Variants in COL24A1 observed in about 807,000 individuals in gnomAD.
COL24A1 encodes collagen alpha-1(XXIV) chain.
COL24A1 carries 224 observed loss-of-function variants against 253.9 expected under a neutral mutation model. The ratio of observed to expected loss-of-function variants is 0.88; its 90% CI spans 0.79 to 0.99. COL24A1 has a LOEUF of 0.99. Among genes scored for constraint, COL24A1 ranks in the 50% least tolerant of loss-of-function variants. COL24A1 has a pLI of 0.00. For missense variants in COL24A1, 2,131 were observed against 2,068.5 expected (o/e 1.03, Z -0.59); for synonymous variants, 685 against 673.7 (o/e 1.02, Z -0.26).
At chr1:86,108,807 CA>C (rs369466863) in intron 5 of COL24A1, among the ~76,000 whole-genome samples, 164 of 142,818 alleles carry the variant, frequency 1.1e-3, no homozygotes, top group African/African-American at 3.1e-3. Context: ...AATTCCGTCT[CA>C]AAAAAAAAAA....
chr1:85,800,096 T>C (rs1671271513), intron 47 of COL24A1, among the ~76,000 whole-genome samples: 6 of 152,216 alleles, frequency 3.9e-5, no homozygotes, highest in Admixed American at 3.9e-4. Context: ...GAAGAGGAGC[T>C]AGAATATGCA....
Position 86,118,609 on chromosome 1 carries a change from T to A in COL24A1, c.1492-3231A>T, listed in dbSNP as rs1441077959. ...GCCCTCCTGGAGTTTGCAGTCTAGA[T>A]AAAAAGACATACATTAACAGATAAA... On this transcript the variant is annotated intron_variant, in intron 3 of 59. Transcript: ENST00000370571. 5.3e-5 allele frequency among the ~76,000 whole-genome samples: 8 copies of A among 152,110 alleles called. No homozygotes were observed. In the East Asian group the frequency reaches 5.8e-4, roughly 11 times the overall value.
chr1:85,976,457 TC>T (rs1343633190), intron 20 of COL24A1, among the ~76,000 whole-genome samples: 4 of 151,738 alleles, frequency 2.6e-5, no homozygotes, highest in Non-Finnish European at 4.4e-5. Flanking sequence ...CCACACCCCC[TC>T]CCCCACAGGA....
At chr1:85,879,183 T>C (rs926614277) in intron 32 of COL24A1, among the ~76,000 whole-genome samples, 7 of 152,108 alleles carry the variant, frequency 4.6e-5, no homozygotes, top group African/African-American at 7.2e-5. Flanking sequence ...ATTTTCTCTA[T>C]GTTTATATTT....
chr1:85,919,112 T>C (rs1254461731), intron 24 of COL24A1, among the ~76,000 whole-genome samples: 1 of 152,208 alleles, frequency 6.6e-6, no homozygotes, highest in Non-Finnish European at 1.5e-5. Context: ...CACTGCTCCT[T>C]AAGCCTGAGT....
intron 1 of COL24A1, among the ~76,000 whole-genome samples, chr1:86,153,055 A>G (rs1652990175): frequency 6.6e-6 from 1 of 152,026 alleles, no homozygotes; most frequent in Non-Finnish European, 1.5e-5. Flanking sequence ...AACCAACTTC[A>G]TTTCTTTCAG....
intron 10 of COL24A1, among the ~76,000 whole-genome samples, chr1:86,054,110 C>T (rs1700506992): frequency 6.6e-6 from 1 of 152,060 alleles, no homozygotes; most frequent in African/African-American, 2.4e-5. Flanking sequence ...TGAAATTGGA[C>T]TCCTACCTCT....
At chr1:85,901,663 A>G (rs1161663208) in intron 28 of COL24A1, among the ~76,000 whole-genome samples, 1 of 151,620 alleles carries the variant, frequency 6.6e-6, no homozygotes, top group Non-Finnish European at 1.5e-5. Flanking sequence ...ATATAAAATT[A>G]GCTGGGCATG....
intron 31 of COL24A1, among the ~76,000 whole-genome samples, chr1:85,893,258 G>A (rs2102772135): frequency 6.6e-6 from 1 of 151,532 alleles, no homozygotes; most frequent in Admixed American, 6.6e-5. Flanking sequence ...ATTACCAGGA[G>A]TAAAAAGTAT....
At position 85,730,705 on chromosome 1, in the gene COL24A1, A is replaced by G; in HGVS notation, c.4999-13T>C. 6.2e-7 allele frequency: 1 copy of G among 1,613,412 alleles called. No individual in the cohort carries two copies. Among genetic ancestry groups the G allele is most frequent in the Non-Finnish European group, 8.5e-7 (1 of 1,179,656 alleles). On this transcript the variant is annotated splice_polypyrimidine_tract_variant and intron_variant, in intron 59 of 59. Transcript: ENST00000370571. ...TGCCATCTTGAATCTGTAAAATAAG[A>G]ACAAAATGCTTTCATACGCATTTCA...
intron 19 of COL24A1, among the ~76,000 whole-genome samples, chr1:85,990,942 G>A (rs1452189107): frequency 6.6e-6 from 1 of 151,966 alleles, no homozygotes; most frequent in African/African-American, 2.4e-5. Flanking sequence ...GTAGATGAAG[G>A]GATGTATTCC....
intron 12 of COL24A1, among the ~76,000 whole-genome samples, chr1:86,043,343 C>T (rs1699647902): frequency 6.6e-6 from 1 of 151,328 alleles, no homozygotes. Flanking sequence ...TTCTATCACC[C>T]ACAAAAATTA....
At chr1:86,151,271 T>A (rs1652743308) in intron 1 of COL24A1, among the ~76,000 whole-genome samples, 1 of 152,158 alleles carries the variant, frequency 6.6e-6, no homozygotes, top group Non-Finnish European at 1.5e-5. Context: ...AGTTGGTATA[T>A]TAAACATGAA....
At chr1:86,145,351 A>T (rs1260587577) in intron 2 of COL24A1, among the ~76,000 whole-genome samples, 1 of 152,110 alleles carries the variant, frequency 6.6e-6, no homozygotes, top group Non-Finnish European at 1.5e-5. Flanking sequence ...GGCAGAGGAG[A>T]AAAACAAACA....
intron 10 of COL24A1, among the ~76,000 whole-genome samples, chr1:86,051,434 A>C (rs888433887): frequency 3.3e-5 from 5 of 152,112 alleles, no homozygotes; most frequent in African/African-American, 1.2e-4. Context: ...TTTACTGAGG[A>C]AGCAACATTT....
chr1:86,048,258 T>C (rs903959408), intron 11 of COL24A1, among the ~76,000 whole-genome samples: 8 of 152,180 alleles, frequency 5.3e-5, no homozygotes, highest in Admixed American at 3.3e-4. Context: ...TGTACAATAT[T>C]GACTCCCAGA....
chr1:85,879,233 G>A (rs1044042855), intron 32 of COL24A1, among the ~76,000 whole-genome samples: 1 of 134,814 alleles, frequency 7.4e-6, no homozygotes, highest in Non-Finnish European at 1.6e-5. Flanking sequence ...TTAAGTCTAT[G>A]ATTCATTTTG....
intron 24 of COL24A1, among the ~76,000 whole-genome samples, chr1:85,947,921 T>C (rs547983258): frequency 3.9e-5 from 6 of 152,242 alleles, no homozygotes; most frequent in South Asian, 2.1e-4. Flanking sequence ...TATTTCATTA[T>C]GTTTTCCCCT....
At chr1:86,010,643 A>G (rs1696402959) in intron 19 of COL24A1, among the ~76,000 whole-genome samples, 1 of 152,180 alleles carries the variant, frequency 6.6e-6, no homozygotes, top group Admixed American at 6.5e-5. Context: ...AAGAAGCACA[A>G]GTTTATTCAC....
Sources: gnomAD v4.1 joint callset for allele counts (sites outside exome capture counted in the v4.1 genomes callset) on GRCh38, gnomAD v4.1.1 for gene constraint, MANE v1.5 for transcripts, NCBI Gene and HGNC (gene_info 2026-07-23, HGNC 2026-07-21) for gene names.